Variants in DNAJC6 observed in about 807,000 individuals in gnomAD.
DNAJC6 encodes DnaJ heat shock protein family (Hsp40) member C6, also known as auxilin.
DNAJC6 carries 34 observed loss-of-function variants against 110.0 expected under a neutral mutation model. The ratio of observed to expected loss-of-function variants is 0.31; its 90% CI spans 0.24 to 0.41. The LOEUF is 0.41. Ranked by LOEUF, DNAJC6 falls within the 10% of genes least tolerant of loss-of-function variation. DNAJC6 has a pLI of 1.00. For synonymous variants in DNAJC6, 406 were observed against 437.2 expected, an observed-to-expected ratio of 0.93 and a Z score of 0.89; for missense variants, 1,031 against 1,207.8, an observed-to-expected ratio of 0.85 and a Z score of 2.17.
At chr1:65,271,893 A>T (rs1653518744) in intron 1 of DNAJC6, among the ~76,000 whole-genome samples, 1 of 151,914 alleles carries the variant, frequency 6.6e-6, no homozygotes. Flanking sequence ...AAAGAAAGAA[A>T]TAGAATTGAT....
At chr1:65,268,642 C>T (rs1228825778) in intron 1 of DNAJC6, among the ~76,000 whole-genome samples, 1 of 152,142 alleles carries the variant, frequency 6.6e-6, no homozygotes, top group Non-Finnish European at 1.5e-5. Flanking sequence ...AAACCATTCA[C>T]ATGGTAGGCA....
At chr1:65,273,499 T>A (rs886132838) in intron 1 of DNAJC6, among the ~76,000 whole-genome samples, 2 of 151,990 alleles carry the variant, frequency 1.3e-5, no homozygotes, top group East Asian at 3.9e-4. Context: ...CTCGGGAGGC[T>A]GAGGCAGAAT....
intron 6 of DNAJC6, 75 bp downstream of exon 6, chr1:65,384,401 C>A: frequency 7.8e-7 from 1 of 1,277,006 alleles, no homozygotes; most frequent in Non-Finnish European, 1.0e-6. Context: ...ATCTGCCTTA[C>A]AAATCCTTTC....
chr1:65,412,011 A>G (rs1056917377), intron 18 of DNAJC6, among the ~76,000 whole-genome samples: 1 of 152,184 alleles, frequency 6.6e-6, no homozygotes, highest in South Asian at 2.1e-4. Flanking sequence ...CCTGGCTTAC[A>G]ATAGTAAGGA....
At chr1:65,328,482 G>A (rs1259229762) in intron 1 of DNAJC6, among the ~76,000 whole-genome samples, 5 of 152,138 alleles carry the variant, frequency 3.3e-5, no homozygotes, top group Non-Finnish European at 5.9e-5. Flanking sequence ...ACATTGATTC[G>A]TTCCACCTCA....
At chr1:65,324,277 A>G (rs1315003036) in intron 1 of DNAJC6, among the ~76,000 whole-genome samples, 2 of 152,078 alleles carry the variant, frequency 1.3e-5, no homozygotes, top group Non-Finnish European at 2.9e-5. Flanking sequence ...CCCAAGCTCA[A>G]GCGATCCTCC....
At chr1:65,324,930 T>G (rs1570279472) in intron 1 of DNAJC6, among the ~76,000 whole-genome samples, 1 of 152,194 alleles carries the variant, frequency 6.6e-6, no homozygotes, top group East Asian at 1.9e-4. Context: ...GAAACCCTGA[T>G]ATAGGGAATA....
At chr1:65,280,211 T>C (rs1037790519) in intron 1 of DNAJC6, among the ~76,000 whole-genome samples, 1 of 152,232 alleles carries the variant, frequency 6.6e-6, no homozygotes, top group Non-Finnish European at 1.5e-5. Flanking sequence ...AGAGAAAGCC[T>C]GTGAAAACAT....
chr1:65,342,157 T>A (rs1168556869), intron 1 of DNAJC6, among the ~76,000 whole-genome samples: 1 of 152,118 alleles, frequency 6.6e-6, no homozygotes, highest in East Asian at 1.9e-4. Context: ...CAAAATGTTG[T>A]CAGTGGAACA....
rs538956654 is a variant in DNAJC6, at chr1:65,356,710, T to C, written c.194-7925T>C. On this transcript the variant is annotated intron_variant, in intron 1 of 18. Transcript: ENST00000371069. ...TTGATCCTGTTGATGACATGAGGCA[T>C]GTAGAAAAGTTTTTGTTCTTAATTA... Among the ~76,000 whole-genome samples, 3 of 152,240 alleles carry C rather than the reference T, an allele frequency of 2.0e-5. No individual in the cohort carries two copies. The East Asian group carries it at 5.8e-4, about 29-fold the overall frequency.
In DNAJC6 at chr1:65,405,940, G is replaced by A. The variant is rs540477402; in HGVS notation, c.2298G>A (p.Ser766=). ...GTGGAGGATTCCCGCCTCTCAGCTC[G>A]CCACAGAAGGCGTCTCCCCAGCCTA... ...GLGGGFPPLS[S]PQKASPQPMG... The change falls in exon 16 of 19, where the codon TCG becomes TCA. Residue 766 remains serine (S), a synonymous_variant. Transcript: ENST00000371069. 76 of 1,614,036 alleles carry A rather than the reference G, an allele frequency of 4.7e-5. No individual in the cohort carries two copies. In the East Asian group the frequency reaches 1.1e-3, roughly 23 times the overall value.
At chr1:65,345,562 A>G (rs1645429611) in intron 1 of DNAJC6, 2 of 685,460 alleles carry the variant, frequency 2.9e-6, no homozygotes, top group South Asian at 6.6e-5. Flanking sequence ...TTTTAATCAC[A>G]ACACGCTAGT....
At chr1:65,396,464 A>G (rs1273342722) in intron 13 of DNAJC6, among the ~76,000 whole-genome samples, 3 of 152,106 alleles carry the variant, frequency 2.0e-5, no homozygotes, top group African/African-American at 7.2e-5. Flanking sequence ...TACTCTCTGC[A>G]TTCCAGCTGT....
intron 1 of DNAJC6, among the ~76,000 whole-genome samples, chr1:65,360,923 G>T (rs1485873025): frequency 1.3e-5 from 2 of 152,198 alleles, no homozygotes; most frequent in Non-Finnish European, 2.9e-5. Context: ...GTGTGGGTGA[G>T]AGGTGGAGGA....
At chr1:65,351,154 A>C (rs901983257) in intron 1 of DNAJC6, among the ~76,000 whole-genome samples, 1 of 152,178 alleles carries the variant, frequency 6.6e-6, no homozygotes, top group Non-Finnish European at 1.5e-5. Flanking sequence ...TGGGCTCTAG[A>C]TCATTTTATG....
At chr1:65,374,798 C>A (rs1414255328) in intron 4 of DNAJC6, among the ~76,000 whole-genome samples, 2 of 151,990 alleles carry the variant, frequency 1.3e-5, no homozygotes, top group Non-Finnish European at 2.9e-5. Context: ...TTGCTCTGGC[C>A]AGGACTTCCA....
At chr1:65,309,432 GC>G (rs1170934348), upstream of DNAJC6, 1 of 610,112 alleles carries the variant, frequency 1.6e-6, no homozygotes, top group African/African-American at 2.0e-5. Flanking sequence ...GGAGGTGCTG[GC>G]CTGGGGCCCG....
At chr1:65,302,257 TTA>T (rs1455228651) in intron 1 of DNAJC6, among the ~76,000 whole-genome samples, 1 of 19,272 alleles carries the variant, frequency 5.2e-5, no homozygotes, top group Non-Finnish European at 8.7e-5. Flanking sequence ...ATATATAATA[TTA>T]TATATATTAT....
chr1:65,332,053 T>G (rs1645293694), intron 1 of DNAJC6, among the ~76,000 whole-genome samples: 1 of 152,194 alleles, frequency 6.6e-6, no homozygotes, highest in South Asian at 2.1e-4. Context: ...GGGACCTGGT[T>G]CCAGGCCTGA....
Sources: gnomAD v4.1 joint callset for allele counts (sites outside exome capture counted in the v4.1 genomes callset) on GRCh38, gnomAD v4.1.1 for gene constraint, MANE v1.5 for transcripts, NCBI Gene and HGNC (gene_info 2026-07-23, HGNC 2026-07-21) for gene names.